PCNX2: variants seen among roughly 807,000 people sequenced by gnomAD.
PCNX2 encodes the protein pecanex 2.
In PCNX2, 168 loss-of-function variants were observed where a neutral mutation model predicts 223.8. The observed-to-expected ratio is 0.75, with a 90% CI of 0.66 to 0.85. The LOEUF (loss-of-function observed/expected upper bound fraction) is 0.85, where lower values mean the gene tolerates loss of function less well. PCNX2 is among the 40% of genes least tolerant of loss of function. The pLI is 0.00. For missense variants in PCNX2, 2,507 were observed against 2,675.5 expected (o/e 0.94, Z 1.39); for synonymous variants, 1,006 against 1,052.6 (o/e 0.96, Z 0.86).
At position 233,262,949 on chromosome 1, in the gene PCNX2, A is replaced by C; in HGVS notation, c.359+9T>G. On this transcript the variant is annotated intron_variant, in intron 2 of 33. Coordinates refer to ENST00000258229, the MANE Select transcript of PCNX2 (RefSeq NM_014801.4). ...CATTTTGAAGTGTCACATTAATTGA[A>C]AATATTACCTTGGATTTCTGTGATT... The C allele has an allele frequency of 6.2e-7, 1 of 1,610,800 alleles. No individual in the cohort carries two copies. Among genetic ancestry groups the C allele is most frequent in the Non-Finnish European group, 8.5e-7 (1 of 1,177,996 alleles).
chr1:233,125,850 A>C (rs1676067783), intron 21 of PCNX2: 1 of 152,238 alleles, frequency 6.6e-6, no homozygotes, highest in African/African-American at 2.4e-5. Context: ...AGGAGAAATA[A>C]AAACAGATCT....
chr1:233,212,084 TTGA>T (rs1681854024), intron 12 of PCNX2, among the ~76,000 whole-genome samples: 1 of 152,222 alleles, frequency 6.6e-6, no homozygotes, highest in Non-Finnish European at 1.5e-5. Context: ...TTGGTGGCTG[TTGA>T]TGATTTCGTT....
chr1:233,285,124 G>A, intron 1 of PCNX2: 4 of 536,390 alleles, frequency 7.5e-6, no homozygotes, highest in Non-Finnish European at 9.5e-6. Flanking sequence ...AGGCCAAAGT[G>A]AGAGGATTGC....
chr1:233,184,910 A>C (rs1680003862), intron 15 of PCNX2, among the ~76,000 whole-genome samples: 1 of 151,974 alleles, frequency 6.6e-6, no homozygotes, highest in South Asian at 2.1e-4. Context: ...TACTTGCCCA[A>C]CCTCACACTT....
chr1:233,021,682 T>C (rs1025083929), intron 26 of PCNX2, among the ~76,000 whole-genome samples: 3 of 152,156 alleles, frequency 2.0e-5, no homozygotes, highest in Non-Finnish European at 2.9e-5. Flanking sequence ...CTGCCTCTCC[T>C]AGCCCACCTG....
In PCNX2 at chr1:233,177,396, C is replaced by T. The variant is rs1018148226; in HGVS notation, c.3273+406G>A. On this transcript the variant is annotated intron_variant, in intron 17 of 33. Transcript: ENST00000258229. ...AAAAAGTTCTAAGTTGCTAGCCAAT[C>T]GGGACAAATATAGAATGTGAGGCCC... Among the ~76,000 whole-genome samples, 10 of 152,246 alleles carry T rather than the reference C, an allele frequency of 6.6e-5. No homozygotes were observed. The East Asian group carries it at 7.7e-4, about 12-fold the overall frequency.
intron 22 of PCNX2, among the ~76,000 whole-genome samples, chr1:233,090,404 A>C (rs72763909): frequency 0.026 from 3,963 of 152,264 alleles, 76 homozygotes; most frequent in Non-Finnish European, 0.044. Context: ...AAACCAAATG[A>C]TTCTCATAAA....
At chr1:233,218,413 T>C (rs1657140675) in intron 10 of PCNX2, among the ~76,000 whole-genome samples, 1 of 125,570 alleles carries the variant, frequency 8.0e-6, no homozygotes, top group South Asian at 2.3e-4. Context: ...CAAGCCCGGC[T>C]AATTTTTTTA....
At chr1:233,191,775 G>A (rs1399647860) in intron 15 of PCNX2, among the ~76,000 whole-genome samples, 3 of 152,166 alleles carry the variant, frequency 2.0e-5, no homozygotes, top group Non-Finnish European at 4.4e-5. Context: ...TAGACCAAGG[G>A]GTTAGCAGAC....
intron 25 of PCNX2, among the ~76,000 whole-genome samples, chr1:233,040,518 C>T (rs1450861259): frequency 6.6e-6 from 1 of 152,190 alleles, no homozygotes; most frequent in East Asian, 1.9e-4. Context: ...TCACACATGT[C>T]TCCCACCACT....
intron 9 of PCNX2, among the ~76,000 whole-genome samples, chr1:233,228,138 TC>T (rs1281710435): frequency 6.6e-6 from 1 of 152,116 alleles, no homozygotes; most frequent in East Asian, 1.9e-4. Context: ...AACAGTGAGG[TC>T]CCAGATGAAG....
In PCNX2 at chr1:233,227,271, A is replaced by C; in HGVS notation, c.2459T>G (p.Ile820Ser). The change falls in exon 10 of 34, where the codon ATT becomes AGT. Residue 820 changes from isoleucine to serine, a missense_variant. Physicochemically the swap from Ile to Ser is moderately radical, Grantham distance 142. Transcript: ENST00000258229. Reference sequence around the variant, plus strand: ...GGTCAGTCGATCATACCAGACTTTAATCCACTTGCCAGGGAAAATGATAAA... The same window carrying C: ...GGTCAGTCGATCATACCAGACTTTACTCCACTTGCCAGGGAAAATGATAAA... Reference protein sequence around the residue: ...YKFIIFPGKWIKVWYDRLTLL... With the variant: ...YKFIIFPGKWSKVWYDRLTLL... 1 of 1,613,374 alleles carries C rather than the reference A, an allele frequency of 6.2e-7. No individual in the cohort carries two copies. Among genetic ancestry groups the C allele is most frequent in the South Asian group, 1.1e-5 (1 of 91,006 alleles).
At chr1:233,225,922 T>C (rs1657683133) in intron 10 of PCNX2, among the ~76,000 whole-genome samples, 1 of 152,226 alleles carries the variant, frequency 6.6e-6, no homozygotes, top group South Asian at 2.1e-4. Flanking sequence ...CTCCATTCCC[T>C]GACTTGTGGG....
Position 232,984,600 on chromosome 1 carries a change from A to G in PCNX2, c.6241-123T>C, listed in dbSNP as rs1669399300. On this transcript the variant is annotated intron_variant, in intron 33 of 33. Transcript: ENST00000258229. ...CTAGCGCTGCCATATCCTTGAGGTC[A>G]GGTTCTAAAGTCAGGTCAAATGATA... is the stretch of plus-strand genomic sequence containing the variant. 2.7e-6 allele frequency: 3 copies of G among 1,122,192 alleles called. No homozygotes were observed. In the Admixed American group the frequency reaches 7.5e-5, roughly 28 times the overall value. 69.5% of individuals were successfully genotyped at this position (1,122,192 alleles called of 1,614,324 possible).
intron 9 of PCNX2, among the ~76,000 whole-genome samples, chr1:233,235,965 T>TATATATATATATATATAC (rs1658379969): frequency 8.0e-5 from 11 of 138,082 alleles, no homozygotes; most frequent in Admixed American, 6.5e-4. Context: ...AAAATATATA[T>TATATATATATATATATAC]ATATATATAT....
At chr1:233,275,564 T>C (rs1308630555) in intron 1 of PCNX2, among the ~76,000 whole-genome samples, 1 of 152,190 alleles carries the variant, frequency 6.6e-6, no homozygotes, top group Non-Finnish European at 1.5e-5. Flanking sequence ...TAAGTTGATA[T>C]ATTGTTATTT....
At chr1:233,111,362 G>T (rs1675105722) in intron 21 of PCNX2, among the ~76,000 whole-genome samples, 1 of 152,058 alleles carries the variant, frequency 6.6e-6, no homozygotes, top group Non-Finnish European at 1.5e-5. Flanking sequence ...ATAAATACAG[G>T]TTATTTTACT....
At chr1:233,014,270 T>G (rs1265519318) in intron 28 of PCNX2, among the ~76,000 whole-genome samples, 2 of 152,102 alleles carry the variant, frequency 1.3e-5, no homozygotes, top group Non-Finnish European at 2.9e-5. Context: ...AGAGCTCAGA[T>G]GTGAGGATTT....
chr1:233,306,391 G>C, the PCNX2 span, among the ~76,000 whole-genome samples: 27 of 152,108 alleles, frequency 1.8e-4, no homozygotes, highest in Admixed American at 1.3e-3. Context: ...GAAGTCTTGG[G>C]CAACAACATG....
Sources: gnomAD v4.1 joint callset for allele counts (sites outside exome capture counted in the v4.1 genomes callset) on GRCh38, gnomAD v4.1.1 for gene constraint, MANE v1.5 for transcripts, NCBI Gene and HGNC (gene_info 2026-07-23, HGNC 2026-07-21) for gene names.